The following MYO1G variants were observed in gnomAD, a reference collection of about 807,000 sequenced individuals.
MYO1G encodes unconventional myosin-Ig.
Under a neutral mutation model 115.3 loss-of-function variants are expected in MYO1G, and 65 were observed. The observed-to-expected ratio is 0.56, with a 90% confidence interval of 0.46 to 0.69. The LOEUF (loss-of-function observed/expected upper bound fraction) is 0.69, where lower values mean the gene tolerates loss of function less well. Among genes scored for constraint, MYO1G ranks in the 30% least tolerant of loss-of-function variants. MYO1G has a pLI of 0.00. For missense variants in MYO1G, 1,204 were observed against 1,393.5 expected (o/e 0.86, Z 2.16); for synonymous variants, 510 against 552.6 (o/e 0.92, Z 1.08).
chr7:44,962,670 C>T lies in MYO1G; in HGVS notation c.*69G>A, dbSNP rs1219661759. On this transcript the variant is annotated 3_prime_UTR_variant, in exon 22 of 22. Coordinates refer to ENST00000258787, the MANE Select transcript of MYO1G (RefSeq NM_033054.3). This position sits in a 1 kb window ranked among gnomAD's most constrained non-coding sequence, Gnocchi z 5.3. Reference sequence around the variant, plus strand: ...GGAGCGGCGAGCAGGAGGGCTGACTCAGAAGGTTTATTTGCAGCGCTGGCG... The same window carrying T: ...GGAGCGGCGAGCAGGAGGGCTGACTTAGAAGGTTTATTTGCAGCGCTGGCG... The T allele has an allele frequency of 4.9e-6, 7 of 1,418,712 alleles. No homozygotes were observed. The Admixed American group carries it at 2.0e-4, about 41-fold the overall frequency. The allele number at this position is 1,418,712 out of a possible 1,614,324, so 87.9% of individuals were successfully genotyped here. A position where few individuals can be genotyped will look rare whatever the true frequency, so the allele number is the denominator to read the frequency against.
Position 44,966,461 on chromosome 7 carries a change from C to T in MYO1G, c.1950-181G>A. 1.2e-6 allele frequency: 1 copy of T among 809,208 alleles called. No homozygotes were observed. The highest frequency in any genetic ancestry group is 2.1e-6 in the Non-Finnish European group (1 of 482,506). 50.1% of individuals were successfully genotyped at this position (809,208 alleles called of 1,614,324 possible). On this transcript the variant is annotated intron_variant, in intron 15 of 21. Transcript: ENST00000258787. The surrounding 1 kb of genome is among the most constrained non-coding windows in gnomAD (Gnocchi z 5.0). ...CCTCACATACATGTCCTCACACAGC[C>T]CTCATACCCATGTTCCCACCTGTAT... is the stretch of plus-strand genomic sequence containing the variant.
intron 1 of MYO1G, among the ~76,000 whole-genome samples, chr7:44,978,096 G>A (rs1562835478): frequency 6.6e-6 from 1 of 152,140 alleles, no homozygotes; most frequent in African/African-American, 2.4e-5. Context: ...TCTTGCCTTC[G>A]GTGCTTAGTG....
intron 2 of MYO1G, 21 bp from the exon 3 acceptor site, chr7:44,976,678 G>A (rs928664232): frequency 6.2e-7 from 1 of 1,613,646 alleles, no homozygotes; most frequent in Non-Finnish European, 8.5e-7. Context: ...GACCAGAGTT[G>A]AGAGAATCAG....
intron 5 of MYO1G, chr7:44,973,796 G>A: frequency 6.6e-6 from 1 of 152,252 alleles, no homozygotes; most frequent in Non-Finnish European, 1.5e-5. Flanking sequence ...AGTCCATGGA[G>A]ACCCTGCCCA....
chr7:44,964,753 G>A lies in MYO1G; in HGVS notation c.2526+192C>T, dbSNP rs116028909. On this transcript the variant is annotated intron_variant, in intron 18 of 21. Transcript: ENST00000258787. This position sits in a 1 kb window ranked among gnomAD's most constrained non-coding sequence, Gnocchi z 5.1. Reference sequence around the variant, plus strand: ...CCTCCTGTCATCCACACCCACCCCCGAAGGCCACTGCTCCTGAAGCCCAGG... The same window carrying A: ...CCTCCTGTCATCCACACCCACCCCCAAAGGCCACTGCTCCTGAAGCCCAGG... Among the ~76,000 whole-genome samples the A allele has an allele frequency of 2.9e-3, 447 of 152,218 alleles. 1 individual carries two copies. The highest frequency in any genetic ancestry group is 0.01 in the African/African-American group (431 of 41,528).
At chr7:44,965,595 G>A (rs1286600371) in intron 17 of MYO1G, 42 bp downstream of exon 17, 1 of 1,577,276 alleles carries the variant, frequency 6.3e-7, no homozygotes, top group East Asian at 2.3e-5. Context: ...GTATTCAGTG[G>A]ATGCCAGCTG....
Position 44,970,612 on chromosome 7 carries a change from G to A in MYO1G, c.1197C>T (p.Phe399=), listed in dbSNP as rs767384395. ...TVIGVLDIYG[F]EVFPVNSFEQ... The stretch of plus-strand genomic sequence containing the variant: ...CCCACCTGTTGACGGGAAACACCTC[G>A]AAGCCATAGATGTCCAGCACGCCAA... Residue 399 remains phenylalanine, a synonymous_variant, in exon 9 of 22, where the codon TTC becomes TTT. Coordinates refer to ENST00000258787, the MANE Select transcript of MYO1G (RefSeq NM_033054.3). 1.3e-5 allele frequency: 21 copies of A among 1,613,384 alleles called. No homozygotes were observed. Among genetic ancestry groups the A allele is most frequent in the Admixed American group, 5.0e-5 (3 of 59,996 alleles).
At chr7:44,973,772 A>G (rs1001698038) in intron 5 of MYO1G, 13 of 151,706 alleles carry the variant, frequency 8.6e-5, no homozygotes, top group African/African-American at 2.7e-4. Context: ...TCCCCCTTCA[A>G]TGGGGGAACT....
Position 44,969,686 on chromosome 7 carries a change from C to A in MYO1G, c.1503+19G>T. The A allele has an allele frequency of 6.2e-7, 1 of 1,609,744 alleles. No homozygotes were observed. Among genetic ancestry groups the A allele is most frequent in the Non-Finnish European group, 8.5e-7 (1 of 1,179,434 alleles). On this transcript the variant is annotated intron_variant, in intron 11 of 21. Coordinates refer to ENST00000258787, the MANE Select transcript of MYO1G (RefSeq NM_033054.3). This position sits in a 1 kb window ranked among gnomAD's most constrained non-coding sequence, Gnocchi z 5.0. ...GTCCCACCAGCCCACTGTGGTGGCA[C>A]TGGGACAGCCGGGGGCACCTGGCGG...
At chr7:44,970,795 G>T (rs751719283) in intron 8 of MYO1G, 40 bp downstream of exon 8, 3 of 1,613,278 alleles carry the variant, frequency 1.9e-6, no homozygotes, top group Non-Finnish European at 2.5e-6. Context: ...CCCCATGAAG[G>T]CCTCCTGGGC....
At chr7:44,967,982 G>A (rs761649670) in intron 12 of MYO1G, 24 bp from the exon 13 acceptor site, 1 of 1,610,530 alleles carries the variant, frequency 6.2e-7, no homozygotes, top group East Asian at 2.2e-5. Flanking sequence ...GGGCTGGTGA[G>A]GGAGCAGGGG....
chr7:44,972,417 A>T, intron 5 of MYO1G, 192 bp from the exon 6 acceptor site: 1 of 570,012 alleles, frequency 1.8e-6, no homozygotes, highest in Non-Finnish European at 3.2e-6. Flanking sequence ...TGGGTCAGGG[A>T]GCTCCACTTC....
chr7:44,971,834 G>T, intron 6 of MYO1G, 45 bp from the exon 7 acceptor site: 1 of 1,401,534 alleles, frequency 7.1e-7, no homozygotes, highest in Non-Finnish European at 9.9e-7. Context: ...ACTGGGCCCA[G>T]GACACCTGTC....
rs867877691 is a variant in MYO1G at position 44,964,134 on chromosome 7, C to A, written c.2660G>T (p.Arg887Leu). The A allele has an allele frequency of 6.2e-7, 1 of 1,601,926 alleles. No individual in the cohort carries two copies. Among genetic ancestry groups the A allele is most frequent in the East Asian group, 2.2e-5 (1 of 44,448 alleles). The stretch of plus-strand genomic sequence containing the variant: ...GTGCTGGTCTGTGAGCAGGAGGGCC[C>A]GGTTCCGGATCTTGTGGAAGCGGTT... The part of the protein sequence containing the change: ...KVNRFHKIRN[R>L]ALLLTDQHLY... The change falls in exon 20 of 22, where the codon CGG becomes CTG. Residue 887 changes from arginine to leucine, a missense_variant. Arg to Leu is a moderately radical substitution (Grantham distance 102, BLOSUM62 -2). Coordinates refer to ENST00000258787, the MANE Select transcript of MYO1G (RefSeq NM_033054.3). This position sits in a 1 kb window ranked among gnomAD's most constrained non-coding sequence, Gnocchi z 5.1.
rs778492519 is a variant in MYO1G, at chr7:44,970,818, G to A, written c.1071+17C>T. 6.2e-7 allele frequency: 1 copy of A among 1,613,580 alleles called. No homozygotes were observed. The highest frequency in any genetic ancestry group is 8.5e-7 in the Non-Finnish European group (1 of 1,179,976). On this transcript the variant is annotated intron_variant, in intron 8 of 21. Transcript: ENST00000258787. ...AGGCCTCCTGGGCTTCCCTCCCTGT[G>A]CCTGCCCCCAAAGTACCTTGGCACA...
In MYO1G at chr7:44,966,807, T is replaced by C. The variant is rs147398930; in HGVS notation, c.1814A>G (p.Asn605Ser). ...CAGCTTCCCAGCTACCTTGTCCTCATTGGGCTTGATGCAGCGGACGTAGAA... is the reference window on the plus strand; with the variant it reads ...CAGCTTCCCAGCTACCTTGTCCTCACTGGGCTTGATGCAGCGGACGTAGAA... ...EPFYVRCIKP[N>S]EDKVAGKLDE... is the part of the protein sequence containing the mutation. Residue 605 changes from asparagine (N) to serine (S), a missense_variant, in exon 15 of 22, where the codon AAT becomes AGT. By Grantham distance (46) the Asn-to-Ser change is conservative (BLOSUM62 1). Coordinates refer to ENST00000258787, the MANE Select transcript of MYO1G (RefSeq NM_033054.3). The surrounding 1 kb of genome is among the most constrained non-coding windows in gnomAD (Gnocchi z 5.0). The C allele has an allele frequency of 6.2e-6, 10 of 1,612,540 alleles. No homozygotes were observed. The African/African-American group carries it at 6.7e-5, about 11-fold the overall frequency.
chr7:44,969,912 T>C lies in MYO1G; in HGVS notation c.1333-37A>G. 2 of 1,588,246 alleles carry C rather than the reference T, an allele frequency of 1.3e-6. No homozygotes were observed. The highest frequency in any genetic ancestry group is 8.6e-7 in the Non-Finnish European group (1 of 1,165,948). ...GCAGCCAGCAAGGAAGCTCCCAAGGTCTTTCAGGCCACCTCCCCTCCTCCG... is the reference window on the plus strand; with the variant it reads ...GCAGCCAGCAAGGAAGCTCCCAAGGCCTTTCAGGCCACCTCCCCTCCTCCG... On this transcript the variant is annotated intron_variant, in intron 10 of 21. Coordinates refer to ENST00000258787, the MANE Select transcript of MYO1G (RefSeq NM_033054.3). This position sits in a 1 kb window ranked among gnomAD's most constrained non-coding sequence, Gnocchi z 5.0.
At position 44,964,977 on chromosome 7, in the gene MYO1G, G is replaced by A. The variant is rs958286103; in HGVS notation, c.2494C>T (p.Arg832Ter). The change falls in exon 18 of 22, where the codon CGA (arginine) becomes TGA (stop). Residue 832 changes from arginine to a stop codon, truncating the protein, a stop_gained. Coordinates refer to ENST00000258787, the MANE Select transcript of MYO1G (RefSeq NM_033054.3). LOFTEE classifies it high-confidence loss of function. The surrounding 1 kb of genome is among the most constrained non-coding windows in gnomAD (Gnocchi z 5.1). ...LQGLRQDWGCRRAWARDYLSS... is the reference protein window; with the variant it reads ...LQGLRQDWGC ...AGGTAGTCTCGGGCCCAGGCCCGTC[G>A]GCAGCCCCAGTCCTGACGAAGCCCT... The A allele has an allele frequency of 1.2e-6, 2 of 1,603,052 alleles. No homozygotes were observed. The highest frequency in any genetic ancestry group is 1.3e-5 in the African/African-American group (1 of 74,704).
chr7:44,964,933 C>T lies in MYO1G; in HGVS notation c.2526+12G>A. On this transcript the variant is annotated intron_variant, in intron 18 of 21. Transcript: ENST00000258787. This position sits in a 1 kb window ranked among gnomAD's most constrained non-coding sequence, Gnocchi z 5.1. ...CTTCCCCCTGGCAGCCCTGGACTCG[C>T]CTGGCACTTACAGAGGACAGGTAGT... is the stretch of plus-strand genomic sequence containing the variant. The T allele has an allele frequency of 6.3e-7, 1 of 1,586,796 alleles. No individual in the cohort carries two copies. The highest frequency in any genetic ancestry group is 8.6e-7 in the Non-Finnish European group (1 of 1,160,332).
Sources: allele counts gnomAD v4.1 joint callset (sites outside exome capture counted in the v4.1 genomes callset), GRCh38; gene constraint gnomAD v4.1.1; non-coding constraint Gnocchi (gnomAD v3.1); transcripts MANE v1.5; gene names NCBI Gene and HGNC (gene_info 2026-07-23, HGNC 2026-07-21).